Variants in USP49 observed in about 807,000 individuals in gnomAD.
USP49 encodes the protein ubiquitin specific peptidase 49, also known as ubiquitin carboxyl-terminal hydrolase 49.
Under a neutral mutation model 58.6 loss-of-function variants are expected in USP49, and 24 were observed. That is an observed-to-expected ratio of 0.41 (90% CI 0.30 to 0.58). The LOEUF (loss-of-function observed/expected upper bound fraction) is 0.58, where lower values mean the gene tolerates loss of function less well. Ranked by LOEUF, USP49 falls within the 20% of genes least tolerant of loss-of-function variation. The pLI, the probability that USP49 is intolerant of heterozygous loss-of-function variation, is 0.30. For missense variants in USP49, 703 were observed against 866.1 expected, an observed-to-expected ratio of 0.81 and a Z score of 2.36; for synonymous variants, 408 against 365.1, an observed-to-expected ratio of 1.12 and a Z score of -1.34.
At chr6:41,876,335 C>G (rs1304008488) in intron 2 of USP49, among the ~76,000 whole-genome samples, 5 of 141,096 alleles carry the variant, frequency 3.5e-5, no homozygotes, top group Non-Finnish European at 1.6e-5. Flanking sequence ...CATTTTGGTA[C>G]AAAGTCTATA....
intron 3 of USP49, among the ~76,000 whole-genome samples, chr6:41,822,749 G>A (rs1398864990): frequency 6.6e-6 from 1 of 151,050 alleles, no homozygotes; most frequent in Non-Finnish European, 1.5e-5. Context: ...GGAGGCTGAG[G>A]CAGAAGAATC....
chr6:41,806,895 G>A lies in USP49; in HGVS notation c.89C>T (p.Ala30Val). 3.1e-6 allele frequency: 5 copies of A among 1,614,020 alleles called. No individual in the cohort carries two copies. Among genetic ancestry groups the A allele is most frequent in the Non-Finnish European group, 4.2e-6 (5 of 1,180,010 alleles). The change falls in exon 4 of 8, where the codon GCC becomes GTC. Residue 30 changes from alanine (A) to valine (V), a missense_variant. Ala to Val is a moderately conservative substitution (Grantham distance 64). Coordinates refer to ENST00000682992, the MANE Select transcript of USP49 (RefSeq NM_001286554.2). This position sits in a 1 kb window ranked among gnomAD's most constrained non-coding sequence, Gnocchi z 5.9. ...GCAGGCCCACACGGACTCGGTGGTGGCACACTCTAAGCAGCACCACTTCTG... is the reference window on the plus strand; with the variant it reads ...GCAGGCCCACACGGACTCGGTGGTGACACACTCTAAGCAGCACCACTTCTG... ...NPQKWCCLEC[A>V]TTESVWACLK...
At chr6:41,836,857 GCACA>G (rs149924359) in intron 3 of USP49, among the ~76,000 whole-genome samples, 11 of 146,604 alleles carry the variant, frequency 7.5e-5, no homozygotes, top group South Asian at 2.1e-4. Context: ...ACACACACAC[GCACA>G]CACACACACA....
At chr6:41,802,433 TTTATTTA>T (rs1442213535) in intron 5 of USP49, among the ~76,000 whole-genome samples, 45 of 55,990 alleles carry the variant, frequency 8.0e-4, no homozygotes, top group East Asian at 3.5e-3. Context: ...TTTTATTTTA[TTTATTTA>T]TTTATTTATT....
chr6:41,828,259 A>C (rs780078790), intron 3 of USP49, among the ~76,000 whole-genome samples: 3 of 152,066 alleles, frequency 2.0e-5, no homozygotes, highest in Admixed American at 2.0e-4. Flanking sequence ...CCTGGCCAAC[A>C]TGGGGAAACC....
chr6:41,803,557 G>C lies in USP49; in HGVS notation c.1561+249C>G, dbSNP rs552238317. 8.1e-4 allele frequency among the ~76,000 whole-genome samples: 124 copies of C among 152,308 alleles called. No homozygotes were observed. The highest frequency in any genetic ancestry group is 2.8e-3 in the African/African-American group (118 of 41,564). ...GACCTCAAGTGATCTGTCCGCCTTG[G>C]CCTCCCAAAATGCTGGGATTACAGG... On this transcript the variant is annotated intron_variant, in intron 5 of 7. Transcript: ENST00000682992. This position sits in a 1 kb window ranked among gnomAD's most constrained non-coding sequence, Gnocchi z 4.1.
In USP49 at chr6:41,791,980, G is replaced by A. The variant is rs553373175; in HGVS notation, c.*4553C>T. ...CTTCACTTATTTAGTTCAGTAATGA[G>A]GCTGAGGGACCCAATTTTCAAGTGT... On this transcript the variant is annotated 3_prime_UTR_variant, in exon 8 of 8. Coordinates refer to ENST00000682992, the MANE Select transcript of USP49 (RefSeq NM_001286554.2). 2.0e-5 allele frequency: 3 copies of A among 152,330 alleles called. No homozygotes were observed. The highest frequency in any genetic ancestry group is 7.2e-5 in the African/African-American group (3 of 41,576). The allele number at this position is 152,330 out of a possible 1,614,324, so 9.4% of individuals were successfully genotyped here.
At chr6:41,819,714 T>C (rs1490923934) in intron 3 of USP49, among the ~76,000 whole-genome samples, 3 of 152,132 alleles carry the variant, frequency 2.0e-5, no homozygotes, top group African/African-American at 7.2e-5. Flanking sequence ...AGGTTGACAA[T>C]ACCTAACTCT....
rs1773049955 is a variant in USP49 at position 41,803,158 on chromosome 6, G to C, written c.1561+648C>G. On this transcript the variant is annotated intron_variant, in intron 5 of 7. Coordinates refer to ENST00000682992, the MANE Select transcript of USP49 (RefSeq NM_001286554.2). The surrounding 1 kb of genome is among the most constrained non-coding windows in gnomAD (Gnocchi z 4.1). The stretch of plus-strand genomic sequence containing the variant: ...TCAGACTCTACATTCATGAATTTAA[G>C]CAGCAGCCCCACAGCACTAAGAAGC... 6.6e-6 allele frequency among the ~76,000 whole-genome samples: 1 copy of C among 152,178 alleles called. No homozygotes were observed. The highest frequency in any genetic ancestry group is 1.5e-5 in the Non-Finnish European group (1 of 68,022).
chr6:41,849,666 G>A (rs1167223845), intron 3 of USP49, among the ~76,000 whole-genome samples: 1 of 150,116 alleles, frequency 6.7e-6, no homozygotes. Context: ...GGAGTGCAGT[G>A]GCATGATCTC....
chr6:41,864,828 T>C (rs1224240089), intron 3 of USP49, among the ~76,000 whole-genome samples: 3 of 152,058 alleles, frequency 2.0e-5, no homozygotes, highest in Admixed American at 6.6e-5. Flanking sequence ...CTGACAGCCA[T>C]ATTAGTTAAC....
At chr6:41,811,356 T>G (rs140570043) in intron 3 of USP49, among the ~76,000 whole-genome samples, 26 of 152,332 alleles carry the variant, frequency 1.7e-4, no homozygotes, top group Non-Finnish European at 3.4e-4. Context: ...AGAGACCACA[T>G]TCACATAATT....
chr6:41,806,272 C>T lies in USP49; in HGVS notation c.712G>A (p.Ala238Thr), dbSNP rs758903655. The T allele has an allele frequency of 6.2e-7, 1 of 1,604,370 alleles. No individual in the cohort carries two copies. Among genetic ancestry groups the T allele is most frequent in the East Asian group, 2.2e-5 (1 of 44,854 alleles). ...ALPTSRRVPAATLKLRRQPAM... is the reference protein window; with the variant it reads ...ALPTSRRVPATTLKLRRQPAM... ...GGCTGGCGACGCAGCTTGAGTGTGG[C>T]GGCGGGCACTCTGCGTGAGGTAGGG... Residue 238 changes from alanine to threonine, a missense_variant, in exon 4 of 8, where the codon GCC becomes ACC. Ala to Thr is a moderately conservative substitution (Grantham distance 58, BLOSUM62 0). This residue lies in a region of USP49 where 376 missense variants were observed against 373.5 expected (regional missense o/e 1.01). Transcript: ENST00000682992. This position sits in a 1 kb window ranked among gnomAD's most constrained non-coding sequence, Gnocchi z 5.9.
intron 3 of USP49, among the ~76,000 whole-genome samples, chr6:41,819,004 G>A (rs1043288039): frequency 6.6e-6 from 1 of 151,990 alleles, no homozygotes; most frequent in Non-Finnish European, 1.5e-5. Flanking sequence ...CTAAAGGAAA[G>A]TGGGGATAAA....
At chr6:41,840,969 C>A (rs368627196) in intron 3 of USP49, among the ~76,000 whole-genome samples, 2 of 151,482 alleles carry the variant, frequency 1.3e-5, no homozygotes, top group Non-Finnish European at 1.5e-5. Flanking sequence ...TTTGCCACTG[C>A]GCTCCAGCCT....
chr6:41,823,529 A>C (rs1391828257), intron 3 of USP49, among the ~76,000 whole-genome samples: 1 of 152,234 alleles, frequency 6.6e-6, no homozygotes, highest in Non-Finnish European at 1.5e-5. Flanking sequence ...GATGACTGCA[A>C]AATGCAGGCT....
At position 41,796,246 on chromosome 6, in the gene USP49, C is replaced by G. The variant is rs566019957; in HGVS notation, c.*287G>C. On this transcript the variant is annotated 3_prime_UTR_variant, in exon 8 of 8. Transcript: ENST00000682992. Reference sequence around the variant, plus strand: ...TGTGGATATGATTGATTTACCCCCCCGCCCCGCTTTCCTCCACCCAGATCC... The same window carrying G: ...TGTGGATATGATTGATTTACCCCCCGGCCCCGCTTTCCTCCACCCAGATCC... 18 of 310,168 alleles carry G rather than the reference C, an allele frequency of 5.8e-5. No homozygotes were observed. The South Asian group carries it at 9.1e-4, about 16-fold the overall frequency. The allele number at this position is 310,168 out of a possible 1,614,324, so 19.2% of individuals were successfully genotyped here.
chr6:41,802,464 A>ATTTTTTTTT (rs1272102736), intron 5 of USP49, among the ~76,000 whole-genome samples: 1 of 73,694 alleles, frequency 1.4e-5, no homozygotes, highest in African/African-American at 5.5e-5. Flanking sequence ...TTATTTATTT[A>ATTTTTTTTT]TTTATTTTTT....
At chr6:41,837,767 A>G (rs1210390719) in intron 3 of USP49, among the ~76,000 whole-genome samples, 1 of 152,236 alleles carries the variant, frequency 6.6e-6, no homozygotes. Flanking sequence ...AGCAAAAAAC[A>G]AACAGCCCCA....
Sources: allele counts gnomAD v4.1 joint callset (sites outside exome capture counted in the v4.1 genomes callset), GRCh38; gene constraint gnomAD v4.1.1; regional missense constraint gnomAD v4.1.1; non-coding constraint Gnocchi (gnomAD v3.1); transcripts MANE v1.5; gene names NCBI Gene and HGNC (gene_info 2026-07-23, HGNC 2026-07-21).